Variants in OR2AG1 observed in about 807,000 individuals in gnomAD.
OR2AG1 encodes the protein olfactory receptor family 2 subfamily AG member 1.
For missense variants in OR2AG1, 391 were observed against 385.9 expected, an observed-to-expected ratio of 1.01 and a Z score of -0.11; for synonymous variants, 157 against 155.6, an observed-to-expected ratio of 1.01 and a Z score of -0.07.
In OR2AG1 at chr11:6,788,952, A is replaced by G. The variant is rs577573460; in HGVS notation, c.*2964A>G. ...TAAATAAATAAATAAATAAATAAAT[A>G]AAGTAAGAAGTCTTTGCATGACTCC... is the stretch of plus-strand genomic sequence containing the variant. On this transcript the variant is annotated 3_prime_UTR_variant, in exon 2 of 2. Coordinates refer to ENST00000641258, the MANE Select transcript of OR2AG1 (RefSeq NM_001004489.3). 1 of 150,736 alleles carries G rather than the reference A, an allele frequency of 6.6e-6. No homozygotes were observed. The highest frequency in any genetic ancestry group is 1.5e-5 in the Non-Finnish European group (1 of 67,782). The allele number at this position is 150,736 out of a possible 1,614,324, so 9.3% of individuals were successfully genotyped here. A position where few individuals can be genotyped will look rare whatever the true frequency, so the allele number is the denominator to read the frequency against.
rs1016531541 is a variant in OR2AG1, at chr11:6,788,480, G to GA, written c.*2492_*2493insA. On this transcript the variant is annotated 3_prime_UTR_variant, in exon 2 of 2. Coordinates refer to ENST00000641258, the MANE Select transcript of OR2AG1 (RefSeq NM_001004489.3). The stretch of plus-strand genomic sequence containing the variant: ...TATTTTGGCTAACTCTTCAGTTCTA[G>GA]CTTCTTTCTCCTCTTTACTCTTTTG... The GA allele has an allele frequency of 6.6e-6, 1 of 151,966 alleles. No homozygotes were observed. Among genetic ancestry groups the GA allele is most frequent in the African/African-American group, 2.4e-5 (1 of 41,378 alleles). The allele number at this position is 151,966 out of a possible 1,614,324, so 9.4% of individuals were successfully genotyped here.
rs1050922696 is a variant in OR2AG1 at position 6,788,338 on chromosome 11, T to G, written c.*2350T>G. On this transcript the variant is annotated 3_prime_UTR_variant, in exon 2 of 2. Coordinates refer to ENST00000641258, the MANE Select transcript of OR2AG1 (RefSeq NM_001004489.3). ...TAAATGTCAAACTTATCTTTACATG[T>G]GAAAATGATGATATTTCAACTTTTG... 7 of 152,164 alleles carry G rather than the reference T, an allele frequency of 4.6e-5. No homozygotes were observed. The highest frequency in any genetic ancestry group is 8.8e-5 in the Non-Finnish European group (6 of 68,006). 9.4% of individuals were successfully genotyped at this position (152,164 alleles called of 1,614,324 possible).
In OR2AG1 at chr11:6,785,175, C is replaced by G. The variant is rs564511937; in HGVS notation, c.138C>G (p.Leu46=). The change falls in exon 2 of 2, where the codon CTC becomes CTG. Residue 46 remains leucine, a synonymous_variant. Coordinates refer to ENST00000641258, the MANE Select transcript of OR2AG1 (RefSeq NM_001004489.3). Reference sequence around the variant, plus strand: ...CCCTGATCAGCAATGGCCTACTGCTCCTGGCTATCACCATGGAAGCCCGGC... The same window carrying G: ...CCCTGATCAGCAATGGCCTACTGCTGCTGGCTATCACCATGGAAGCCCGGC... ...LLALISNGLL[L]LAITMEARLH... is the part of the protein sequence containing the mutation. 6.2e-7 allele frequency: 1 copy of G among 1,614,084 alleles called. No individual in the cohort carries two copies. Among genetic ancestry groups the G allele is most frequent in the African/African-American group, 1.3e-5 (1 of 74,924 alleles).
chr11:6,785,017 G>A lies in OR2AG1; in HGVS notation c.-20-1G>A. The A allele has an allele frequency of 6.7e-7, 1 of 1,492,396 alleles. No individual in the cohort carries two copies. Among genetic ancestry groups the A allele is most frequent in the Non-Finnish European group, 9.2e-7 (1 of 1,085,170 alleles). 92.4% of individuals were successfully genotyped at this position (1,492,396 alleles called of 1,614,324 possible). On this transcript the variant is annotated splice_acceptor_variant, in intron 1 of 1. Transcript: ENST00000641258. LOFTEE classifies it low-confidence loss of function (5UTR_SPLICE). Reference sequence around the variant, plus strand: ...TTCATGAAGTATCCATCTTGTTCTAGGTGATGAAAGAAACCACAGCATGGA... The same window carrying A: ...TTCATGAAGTATCCATCTTGTTCTAAGTGATGAAAGAAACCACAGCATGGA...
chr11:6,789,083 T>C lies in OR2AG1; in HGVS notation c.*3095T>C, dbSNP rs1017586664. 2.6e-5 allele frequency: 4 copies of C among 151,976 alleles called. No homozygotes were observed. Among genetic ancestry groups the C allele is most frequent in the African/African-American group, 9.7e-5 (4 of 41,422 alleles). The allele number at this position is 151,976 out of a possible 1,614,324, so 9.4% of individuals were successfully genotyped here. On this transcript the variant is annotated 3_prime_UTR_variant, in exon 2 of 2. Coordinates refer to ENST00000641258, the MANE Select transcript of OR2AG1 (RefSeq NM_001004489.3). ...CATTTTCTCCTCTGCTGATCTTCTA[T>C]TCGCATCTTAACACACTTTCAATCA...
At chr11:6,784,819 A>G (rs931707826) in intron 1 of OR2AG1, among the ~76,000 whole-genome samples, 199 bp from the exon 2 acceptor site, 2 of 152,204 alleles carry the variant, frequency 1.3e-5, no homozygotes, top group African/African-American at 4.8e-5. Flanking sequence ...TTTAGTTATT[A>G]CTGTGATGTC....
rs200606130 is a variant in OR2AG1, at chr11:6,785,758, T to G, written c.721T>G (p.Cys241Gly). The part of the protein sequence containing the change: ...NEGRKKALVT[C>G]SSHLTVVGMF... Reference sequence around the variant, plus strand: ...GGGGAGGAAGAAAGCCCTTGTCACCTGCTCTTCCCACCTGACTGTGGTTGG... The same window carrying G: ...GGGGAGGAAGAAAGCCCTTGTCACCGGCTCTTCCCACCTGACTGTGGTTGG... The change falls in exon 2 of 2, where the codon TGC (cysteine) becomes GGC (glycine). Residue 241 changes from cysteine (C) to glycine (G), a missense_variant. Coordinates refer to ENST00000641258, the MANE Select transcript of OR2AG1 (RefSeq NM_001004489.3). The G allele has an allele frequency of 1.2e-6, 2 of 1,614,080 alleles. No homozygotes were observed. The highest frequency in any genetic ancestry group is 2.7e-5 in the African/African-American group (2 of 74,934).
At position 6,789,847 on chromosome 11, in the gene OR2AG1, CT is replaced by C. The variant is rs1847670759; in HGVS notation, c.*3860del. ...CCATTATGGAAAACAGTATGGAGGT[CT>C]AAAGATTCAAACTATTACTACTGTA... On this transcript the variant is annotated 3_prime_UTR_variant, in exon 2 of 2. Coordinates refer to ENST00000641258, the MANE Select transcript of OR2AG1 (RefSeq NM_001004489.3). 6.6e-6 allele frequency: 1 copy of C among 152,124 alleles called. No homozygotes were observed. Among genetic ancestry groups the C allele is most frequent in the Non-Finnish European group, 1.5e-5 (1 of 68,048 alleles). The allele number at this position is 152,124 out of a possible 1,614,324, so 9.4% of individuals were successfully genotyped here.
intron 1 of OR2AG1, 53 bp from the exon 2 acceptor site, chr11:6,784,965 C>A: frequency 1.1e-6 from 1 of 946,060 alleles, no homozygotes; most frequent in Non-Finnish European, 1.6e-6. Flanking sequence ...TCTGATATTT[C>A]AAAACTAGAG....
Position 6,785,130 on chromosome 11 carries a change from TAC to T in OR2AG1, c.95_96del (p.Thr32AsnfsTer79). ...CTCCTGAACTGCTCTGTGCTACAAT[TAC>T]AATCCTATACTTGTTGGCCCTGATC... ...GSPELLCATI[T>X]ILYLLALISN... On this transcript the variant is annotated frameshift_variant, in exon 2 of 2. Transcript: ENST00000641258. LOFTEE classifies it low-confidence loss of function (END_TRUNC). 3 of 1,614,134 alleles carry T rather than the reference TAC, an allele frequency of 1.9e-6. No individual in the cohort carries two copies. Among genetic ancestry groups the T allele is most frequent in the Non-Finnish European group, 2.5e-6 (3 of 1,179,992 alleles).
intron 1 of OR2AG1, among the ~76,000 whole-genome samples, chr11:6,783,719 T>C (rs1030154335): frequency 2.6e-5 from 4 of 152,238 alleles, no homozygotes; most frequent in African/African-American, 4.8e-5. Context: ...ATCGCAATAC[T>C]TGTCTTTAGA....
In OR2AG1 at chr11:6,785,632, G is replaced by C. The variant is rs1488333879; in HGVS notation, c.595G>C (p.Val199Leu). ...TGATACCTCCAGATATGAGCTCATG[G>C]TATATGTGATGGGTGTGACCTTCCT... is the stretch of plus-strand genomic sequence containing the variant. ...CADTSRYELM[V>L]YVMGVTFLIP... The change falls in exon 2 of 2, where the codon GTA (valine) becomes CTA (leucine). Residue 199 changes from valine to leucine, a missense_variant. Transcript: ENST00000641258. 3.1e-6 allele frequency: 5 copies of C among 1,613,962 alleles called. No homozygotes were observed. The highest frequency in any genetic ancestry group is 8.5e-7 in the Non-Finnish European group (1 of 1,179,962).
chr11:6,784,765 A>G (rs977675920), intron 1 of OR2AG1, among the ~76,000 whole-genome samples: 5 of 152,234 alleles, frequency 3.3e-5, no homozygotes, highest in African/African-American at 1.2e-4. Flanking sequence ...ATACATGTTC[A>G]GGTTTAATGT....
chr11:6,785,287 G>A lies in OR2AG1; in HGVS notation c.250G>A (p.Asp84Asn). 1.2e-6 allele frequency: 2 copies of A among 1,614,170 alleles called. No individual in the cohort carries two copies. The highest frequency in any genetic ancestry group is 1.7e-6 in the Non-Finnish European group (2 of 1,180,016). Residue 84 changes from aspartate to asparagine, a missense_variant, in exon 2 of 2, where the codon GAC (aspartate) becomes AAC (asparagine). By Grantham distance (23) the Asp-to-Asn change is conservative. Transcript: ENST00000641258. The stretch of plus-strand genomic sequence containing the variant: ...TGTTGTCACTCCCAAGGCCCTTGCG[G>A]ACTTTCTGCGCAGAGAAAACACCAT... ...TSVVTPKALA[D>N]FLRRENTISF...
chr11:6,786,632 A>T lies in OR2AG1; in HGVS notation c.*644A>T, dbSNP rs947299257. ...CAATTATTAATAAAATGAAGAAAATAGGAGGTGAAGGTAGTCCATAAGCAA... is the reference window on the plus strand; with the variant it reads ...CAATTATTAATAAAATGAAGAAAATTGGAGGTGAAGGTAGTCCATAAGCAA... On this transcript the variant is annotated 3_prime_UTR_variant, in exon 2 of 2. Transcript: ENST00000641258. The T allele has an allele frequency of 2.0e-5, 3 of 152,208 alleles. No homozygotes were observed. The highest frequency in any genetic ancestry group is 4.4e-5 in the Non-Finnish European group (3 of 68,034). The allele number at this position is 152,208 out of a possible 1,614,324, so 9.4% of individuals were successfully genotyped here.
rs766146047 is a variant in OR2AG1, at chr11:6,785,439, C to T, written c.402C>T (p.Thr134=). 40 of 1,613,988 alleles carry T rather than the reference C, an allele frequency of 2.5e-5. No homozygotes were observed. The East Asian group carries it at 8.5e-4, about 34-fold the overall frequency. The change falls in exon 2 of 2, where the codon ACC becomes ACT. Residue 134 remains threonine (T), a synonymous_variant. Transcript: ENST00000641258. The part of the protein sequence containing the change: ...VAICHPLTYM[T]LMSSRACWLM... ...TTTGTCATCCTCTGACATACATGAC[C>T]CTCATGAGCTCAAGAGCCTGCTGGC...
At position 6,785,815 on chromosome 11, in the gene OR2AG1, G is replaced by A. The variant is rs763216471; in HGVS notation, c.778G>A (p.Val260Ile). Reference sequence around the variant, plus strand: ...CTATGGAGCTGCCACATTCATGTATGTCTTGCCCAGTTCCTTCCACAGCAC... The same window carrying A: ...CTATGGAGCTGCCACATTCATGTATATCTTGCCCAGTTCCTTCCACAGCAC... ...MFYGAATFMY[V>I]LPSSFHSTRQ... The change falls in exon 2 of 2, where the codon GTC (valine) becomes ATC (isoleucine). Residue 260 changes from valine (V) to isoleucine (I), a missense_variant. By Grantham distance (29) the Val-to-Ile change is conservative. Coordinates refer to ENST00000641258, the MANE Select transcript of OR2AG1 (RefSeq NM_001004489.3). 6.2e-7 allele frequency: 1 copy of A among 1,614,156 alleles called. No homozygotes were observed. The highest frequency in any genetic ancestry group is 1.1e-5 in the South Asian group (1 of 91,082).
In OR2AG1 at chr11:6,791,552, C is replaced by A. The variant is rs2133032337; in HGVS notation, c.*5564C>A. ...ATACTTCACTTCATCTCTGTCTTAT[C>A]AATTAGCTAAATAAAAACAGCATCA... On this transcript the variant is annotated 3_prime_UTR_variant, in exon 2 of 2. Transcript: ENST00000641258. The A allele has an allele frequency of 6.6e-6, 1 of 152,052 alleles. No individual in the cohort carries two copies. The highest frequency in any genetic ancestry group is 2.1e-4 in the South Asian group (1 of 4,818). The allele number at this position is 152,052 out of a possible 1,614,324, so 9.4% of individuals were successfully genotyped here.
rs1018184143 is a variant in OR2AG1 at position 6,788,828 on chromosome 11, A to G, written c.*2840A>G. ...GTTTTCCCTCATTATAACTGCTTGA[A>G]CCCGGGAGGCAGAGACTGCAGTGAG... On this transcript the variant is annotated 3_prime_UTR_variant, in exon 2 of 2. Transcript: ENST00000641258. 3.3e-5 allele frequency: 5 copies of G among 151,440 alleles called. No individual in the cohort carries two copies. The South Asian group carries it at 1.0e-3, about 32-fold the overall frequency. 9.4% of individuals were successfully genotyped at this position (151,440 alleles called of 1,614,324 possible).
Sources: gnomAD v4.1 joint callset for allele counts (sites outside exome capture counted in the v4.1 genomes callset) on GRCh38, gnomAD v4.1.1 for gene constraint, MANE v1.5 for transcripts, NCBI Gene and HGNC (gene_info 2026-07-23, HGNC 2026-07-21) for gene names.